NEGR1: variants seen among roughly 807,000 people sequenced by gnomAD.
The protein encoded by NEGR1 is IgLON family member 4.
Under a neutral mutation model 40.9 loss-of-function variants are expected in NEGR1, and 10 were observed. The ratio of observed to expected loss-of-function variants is 0.24; its 90% confidence interval spans 0.15 to 0.42. The LOEUF is 0.42. Among genes scored for constraint, NEGR1 ranks in the 10% least tolerant of loss-of-function variants. The pLI, the probability that NEGR1 is intolerant of heterozygous loss-of-function variation, is 1.00. For missense variants in NEGR1, 352 were observed against 438.9 expected (o/e 0.80, Z 1.77); for synonymous variants, 185 against 166.8 (o/e 1.11, Z -0.84).
At chr1:71,622,680 A>G (rs562702387) in intron 4 of NEGR1, among the ~76,000 whole-genome samples, 2 of 152,028 alleles carry the variant, frequency 1.3e-5, no homozygotes, top group Admixed American at 1.3e-4. Flanking sequence ...TGAATGAGCC[A>G]GGCTCATATA....
intron 3 of NEGR1, among the ~76,000 whole-genome samples, chr1:71,741,887 A>G (rs1211337201): frequency 6.6e-6 from 1 of 152,092 alleles, no homozygotes; most frequent in African/African-American, 2.4e-5. Context: ...AAACAGCCAG[A>G]TCTCATGAGA....
intron 4 of NEGR1, among the ~76,000 whole-genome samples, chr1:71,623,687 A>G (rs1255314471): frequency 2.0e-5 from 3 of 152,060 alleles, no homozygotes; most frequent in Admixed American, 1.3e-4. Context: ...GAGACATTTT[A>G]CCTATAAATA....
chr1:71,788,805 T>C (rs1207117635), intron 2 of NEGR1, among the ~76,000 whole-genome samples: 1 of 152,052 alleles, frequency 6.6e-6, no homozygotes, highest in Non-Finnish European at 1.5e-5. Context: ...TACAGATTTA[T>C]ATATTATTCA....
chr1:71,731,515 C>G (rs918492910), intron 3 of NEGR1, among the ~76,000 whole-genome samples: 8 of 152,144 alleles, frequency 5.3e-5, no homozygotes, highest in African/African-American at 1.9e-4. Context: ...AGAACTATTG[C>G]TAATAGAGAT....
At chr1:72,015,682 T>C (rs998266837) in intron 1 of NEGR1, among the ~76,000 whole-genome samples, 4 of 151,976 alleles carry the variant, frequency 2.6e-5, no homozygotes, top group East Asian at 1.9e-4. Context: ...AATAAATAAA[T>C]AAAAATAAAT....
intron 6 of NEGR1, among the ~76,000 whole-genome samples, chr1:71,459,493 A>C (rs1401483891): frequency 1.3e-5 from 2 of 152,170 alleles, no homozygotes; most frequent in African/African-American, 4.8e-5. Context: ...AAATCCCCTG[A>C]TGATCTAGTC....
At chr1:71,472,950 T>G (rs954784386) in intron 6 of NEGR1, among the ~76,000 whole-genome samples, 9 of 151,970 alleles carry the variant, frequency 5.9e-5, no homozygotes, top group South Asian at 2.1e-4. Flanking sequence ...TATGAAACAA[T>G]GGGACAGAAA....
chr1:71,994,307 T>C (rs898584848), intron 1 of NEGR1, among the ~76,000 whole-genome samples: 8 of 151,996 alleles, frequency 5.3e-5, no homozygotes, highest in Admixed American at 5.2e-4. Flanking sequence ...GGCGGGTGGA[T>C]CATGAGGTCA....
At chr1:72,128,018 C>G (rs1650097995) in intron 1 of NEGR1, among the ~76,000 whole-genome samples, 1 of 152,118 alleles carries the variant, frequency 6.6e-6, no homozygotes, top group East Asian at 1.9e-4. Context: ...ACTAATATAA[C>G]TAAGTCTCTA....
intron 1 of NEGR1, among the ~76,000 whole-genome samples, chr1:72,095,901 T>C (rs753759719): frequency 1.3e-5 from 2 of 152,162 alleles, no homozygotes; most frequent in Non-Finnish European, 2.9e-5. Context: ...TTCCTTTCTC[T>C]TTTCCTTTCC....
chr1:71,847,808 C>A (rs553720968), intron 2 of NEGR1, among the ~76,000 whole-genome samples: 14 of 152,204 alleles, frequency 9.2e-5, no homozygotes, highest in African/African-American at 3.1e-4. Context: ...CAGATTAAAT[C>A]ACTTTAAATC....
chr1:71,691,686 A>G (rs373068112), intron 4 of NEGR1, among the ~76,000 whole-genome samples: 76 of 151,822 alleles, frequency 5.0e-4, no homozygotes, highest in Middle Eastern at 3.4e-3. Context: ...AAGTATGCCT[A>G]TGGAAATTCA....
chr1:72,187,448 A>G (rs1652653206), intron 1 of NEGR1, among the ~76,000 whole-genome samples: 1 of 151,488 alleles, frequency 6.6e-6, no homozygotes, highest in South Asian at 2.1e-4. Context: ...AGAATTTAGC[A>G]TCAGAGCATC....
intron 2 of NEGR1, among the ~76,000 whole-genome samples, chr1:71,826,317 T>A (rs1468396689): frequency 6.6e-6 from 1 of 151,974 alleles, no homozygotes; most frequent in African/African-American, 2.4e-5. Context: ...GATAGAGTTT[T>A]GATTATCACA....
intron 2 of NEGR1, among the ~76,000 whole-genome samples, chr1:71,799,776 G>T (rs925414411): frequency 6.6e-6 from 1 of 151,798 alleles, no homozygotes; most frequent in Non-Finnish European, 1.5e-5. Context: ...GCAGAGGCAC[G>T]ATCTTGGCTC....
chr1:71,576,952 G>A (rs1016850986), intron 6 of NEGR1, among the ~76,000 whole-genome samples: 6 of 152,172 alleles, frequency 3.9e-5, no homozygotes, highest in African/African-American at 1.4e-4. Flanking sequence ...ATACAGTGAT[G>A]CTATTCCAAG....
At chr1:72,054,087 A>T (rs1157078074) in intron 1 of NEGR1, among the ~76,000 whole-genome samples, 2 of 151,356 alleles carry the variant, frequency 1.3e-5, no homozygotes, top group African/African-American at 4.8e-5. Context: ...TAGGTACATT[A>T]GCTAGAGAAA....
chr1:71,684,254 C>T (rs768536169), intron 4 of NEGR1, among the ~76,000 whole-genome samples: 2 of 151,854 alleles, frequency 1.3e-5, no homozygotes, highest in Non-Finnish European at 2.9e-5. Context: ...CTGAGTGACA[C>T]AGCAAGACTC....
At chr1:71,664,052 A>T (rs182002981) in intron 4 of NEGR1, among the ~76,000 whole-genome samples, 2 of 152,334 alleles carry the variant, frequency 1.3e-5, no homozygotes, top group Non-Finnish European at 1.5e-5. Context: ...TGATGGAAAC[A>T]TCTAGTGAAC....
Sources: gnomAD v4.1 joint callset for allele counts (sites outside exome capture counted in the v4.1 genomes callset) on GRCh38, gnomAD v4.1.1 for gene constraint, MANE v1.5 for transcripts, NCBI Gene and HGNC (gene_info 2026-07-23, HGNC 2026-07-21) for gene names.